ATP11A: variants seen among roughly 807,000 people sequenced by gnomAD.
ATP11A encodes the protein phospholipid-transporting ATPase IH.
ATP11A carries 81 observed loss-of-function variants against 154.4 expected under a neutral mutation model. The ratio of observed to expected loss-of-function variants is 0.52; its 90% CI spans 0.44 to 0.63. The LOEUF is 0.63. Ranked by LOEUF, ATP11A falls within the 30% of genes least tolerant of loss-of-function variation. ATP11A has a pLI of 0.00. For missense variants in ATP11A, 1,316 were observed against 1,474.3 expected (o/e 0.89, Z 1.76); for synonymous variants, 623 against 585.9 (o/e 1.06, Z -0.91).
intron 4 of ATP11A, 121 bp from the exon 5 acceptor site, chr13:112,810,498 C>T: frequency 1.3e-6 from 1 of 784,970 alleles, no homozygotes; most frequent in South Asian, 1.6e-5. Flanking sequence ...GAAAAATACA[C>T]CCCCACAGGC....
chr13:112,822,536 T>C (rs1051458453), intron 8 of ATP11A, among the ~76,000 whole-genome samples: 2 of 152,080 alleles, frequency 1.3e-5, no homozygotes, highest in African/African-American at 4.8e-5. Context: ...TCAGCCTTTG[T>C]CTCCAGGAAT....
chr13:112,853,626 A>G (rs948399281), intron 18 of ATP11A, among the ~76,000 whole-genome samples: 1 of 152,210 alleles, frequency 6.6e-6, no homozygotes, highest in African/African-American at 2.4e-5. Context: ...CAGCGTCTGC[A>G]GGCTTTGGGT....
intron 1 of ATP11A, among the ~76,000 whole-genome samples, chr13:112,712,299 G>A (rs529995304): frequency 1.3e-5 from 2 of 152,260 alleles, no homozygotes; most frequent in African/African-American, 2.4e-5. Context: ...CATACAAAAC[G>A]CTCCCTCCAT....
chr13:112,774,809 T>G (rs2077306904), intron 1 of ATP11A, among the ~76,000 whole-genome samples: 1 of 152,272 alleles, frequency 6.6e-6, no homozygotes, highest in Admixed American at 6.5e-5. Context: ...CCTATGGGCC[T>G]TTTCCTGTCA....
At chr13:112,774,053 A>G (rs1179025746) in intron 1 of ATP11A, among the ~76,000 whole-genome samples, 1 of 152,272 alleles carries the variant, frequency 6.6e-6, no homozygotes, top group African/African-American at 2.4e-5. Context: ...CTCACGGGGA[A>G]CTAGGAATTC....
intron 4 of ATP11A, among the ~76,000 whole-genome samples, chr13:112,809,886 G>C (rs561133000): frequency 3.1e-4 from 47 of 152,312 alleles, no homozygotes; most frequent in African/African-American, 1.1e-3. Context: ...TTCGTAGTTG[G>C]AATCGGAGTG....
In ATP11A at chr13:112,860,343, C is replaced by T; in HGVS notation, c.2784C>T (p.Pro928=). The part of the protein sequence containing the change: ...TLYNISFTSL[P]ILLYSLMEQH... ...ACAACATCAGCTTCACCTCCCTCCC[C>T]ATCCTCCTGTACAGCCTCATGGAGC... is the stretch of plus-strand genomic sequence containing the variant. The change falls in exon 24 of 30, where the codon CCC becomes CCT. Residue 928 remains proline (P), a synonymous_variant. Transcript: ENST00000375645. 6.2e-7 allele frequency: 1 copy of T among 1,614,224 alleles called. No individual in the cohort carries two copies. Among genetic ancestry groups the T allele is most frequent in the Non-Finnish European group, 8.5e-7 (1 of 1,180,036 alleles).
chr13:112,723,001 A>G (rs1172258047), intron 1 of ATP11A, among the ~76,000 whole-genome samples: 1 of 152,080 alleles, frequency 6.6e-6, no homozygotes, highest in Non-Finnish European at 1.5e-5. Context: ...GTAAGGTTCT[A>G]TCTAAAACTT....
intron 11 of ATP11A, among the ~76,000 whole-genome samples, chr13:112,826,209 G>A (rs570729287): frequency 3.9e-5 from 6 of 152,264 alleles, no homozygotes; most frequent in East Asian, 1.9e-4. Flanking sequence ...CGTCCAGAGC[G>A]GGGCTATCTC....
At chr13:112,797,193 G>T (rs907901840) in intron 2 of ATP11A, among the ~76,000 whole-genome samples, 7 of 141,826 alleles carry the variant, frequency 4.9e-5, no homozygotes, top group African/African-American at 1.9e-4. Flanking sequence ...TGAGGCACAA[G>T]AATCCCTTGA....
chr13:112,840,423 C>G (rs1594138099), intron 16 of ATP11A, among the ~76,000 whole-genome samples: 14 of 58,444 alleles, frequency 2.4e-4, no homozygotes, highest in East Asian at 1.9e-3. Context: ...ACTCTCCTGT[C>G]CCCTCCAGCC....
intron 6 of ATP11A, 99 bp downstream of exon 6, chr13:112,816,310 C>A: frequency 1.3e-6 from 2 of 1,503,474 alleles, no homozygotes; most frequent in Non-Finnish European, 1.8e-6. Flanking sequence ...TTTGAAAAGT[C>A]ACCGTTTTCA....
chr13:112,768,270 C>T (rs1487172509), intron 1 of ATP11A, among the ~76,000 whole-genome samples: 1 of 152,272 alleles, frequency 6.6e-6, no homozygotes, highest in Non-Finnish European at 1.5e-5. Flanking sequence ...CCAGCAGCGT[C>T]TTCGCTTTCA....
chr13:112,806,297 A>C lies in ATP11A; in HGVS notation c.333+4A>C. 6.2e-7 allele frequency: 1 copy of C among 1,607,130 alleles called. No homozygotes were observed. Among genetic ancestry groups the C allele is most frequent in the East Asian group, 2.2e-5 (1 of 44,808 alleles). On this transcript the variant is annotated splice_donor_region_variant and intron_variant, in intron 4 of 29. Transcript: ENST00000375645. ...TACTGTGACGGCTATCAAACAGGTA[A>C]GCATTTTACAGACGAAAAAGAAGCA...
At chr13:112,856,348 TA>T (rs34662024) in intron 20 of ATP11A, 19,682 of 175,406 alleles carry the variant, frequency 0.11, 1,061 homozygotes, top group African/African-American at 0.25. Flanking sequence ...TGACTTCTGT[TA>T]AAAAAAAAAA....
intron 6 of ATP11A, among the ~76,000 whole-genome samples, chr13:112,818,186 G>A (rs1008429388): frequency 2.0e-5 from 3 of 150,226 alleles, no homozygotes; most frequent in East Asian, 2.0e-4. Context: ...GGTGACCGTC[G>A]GTGCGCTTGG....
intron 1 of ATP11A, among the ~76,000 whole-genome samples, chr13:112,755,538 G>C (rs1472907734): frequency 6.6e-6 from 1 of 152,242 alleles, no homozygotes; most frequent in East Asian, 1.9e-4. Context: ...CAGGACTGCA[G>C]CCAAGGTTAG....
In ATP11A at chr13:112,730,121, G is replaced by T. The variant is rs191638220; in HGVS notation, c.39+39666G>T. ...ATAAAAGAGCCCGTGGGAACCCTTCGCAGCGGCCCACATAGACCACGGACC... is the reference window on the plus strand; with the variant it reads ...ATAAAAGAGCCCGTGGGAACCCTTCTCAGCGGCCCACATAGACCACGGACC... On this transcript the variant is annotated intron_variant, in intron 1 of 29. Coordinates refer to ENST00000375645, the MANE Select transcript of ATP11A (RefSeq NM_015205.3). Among the ~76,000 whole-genome samples, 422 of 152,288 alleles carry T rather than the reference G, an allele frequency of 2.8e-3. 3 individuals are homozygous for T. The highest frequency in any genetic ancestry group is 9.1e-3 in the Admixed American group (139 of 15,304).
At chr13:112,784,698 A>AT in intron 1 of ATP11A, among the ~76,000 whole-genome samples, 1 of 151,514 alleles carries the variant, frequency 6.6e-6, no homozygotes, top group African/African-American at 2.4e-5. Flanking sequence ...AATTTTTTGT[A>AT]TTTTTTAGTA....
Sources: allele counts gnomAD v4.1 joint callset (sites outside exome capture counted in the v4.1 genomes callset), GRCh38; gene constraint gnomAD v4.1.1; transcripts MANE v1.5; gene names NCBI Gene and HGNC (gene_info 2026-07-23, HGNC 2026-07-21).